CCDC32: variants seen among roughly 807,000 people sequenced by gnomAD.
CCDC32 encodes the protein coiled-coil domain containing 32.
Under a neutral mutation model 20.1 loss-of-function variants are expected in CCDC32, and 9 were observed. That is an observed-to-expected ratio of 0.45 (90% CI 0.27 to 0.78). CCDC32 has a LOEUF of 0.78. CCDC32 is among the 30% of genes least tolerant of loss of function. The pLI is 0.16. For missense variants in CCDC32, 204 were observed against 215.5 expected, an observed-to-expected ratio of 0.95 and a Z score of 0.33; for synonymous variants, 63 against 79.0, an observed-to-expected ratio of 0.80 and a Z score of 1.07.
intron 3 of CCDC32, among the ~76,000 whole-genome samples, chr15:40,544,320 C>G (rs1051306542): frequency 2.0e-5 from 3 of 152,234 alleles, no homozygotes; most frequent in African/African-American, 7.2e-5. Flanking sequence ...CTCAAGCAAT[C>G]CTCCCACCTC....
intron 1 of CCDC32, among the ~76,000 whole-genome samples, chr15:40,564,362 G>A (rs1566987424): frequency 6.6e-6 from 1 of 152,114 alleles, no homozygotes; most frequent in Non-Finnish European, 1.5e-5. Context: ...TTGCTCTAGG[G>A]CACATTACTG....
At chr15:40,521,586 C>T in the CCDC32 span, among the ~76,000 whole-genome samples, 1 of 152,104 alleles carries the variant, frequency 6.6e-6, no homozygotes, top group Non-Finnish European at 1.5e-5. Flanking sequence ...GTGGATGCAC[C>T]ACTGTACGTT....
At chr15:40,537,081 A>C (rs1225222658), downstream of CCDC32, 2 of 152,390 alleles carry the variant, frequency 1.3e-5, no homozygotes, top group Admixed American at 1.3e-4. Flanking sequence ...GAAGGGAAGG[A>C]TTCTGGAGAA....
At chr15:40,521,897 C>T in the CCDC32 span, among the ~76,000 whole-genome samples, 2 of 152,146 alleles carry the variant, frequency 1.3e-5, no homozygotes, top group Non-Finnish European at 2.9e-5. Flanking sequence ...TATTTTATGC[C>T]ATTCTGTGAA....
downstream of CCDC32, among the ~76,000 whole-genome samples, chr15:40,526,035 C>T (rs780014394): frequency 2.0e-5 from 3 of 151,532 alleles, no homozygotes; most frequent in African/African-American, 7.3e-5. Context: ...AGAGTGCAGA[C>T]GAAAGACCTC....
chr15:40,561,131 C>T (rs936300376), intron 2 of CCDC32, among the ~76,000 whole-genome samples: 21 of 152,130 alleles, frequency 1.4e-4, no homozygotes, highest in Admixed American at 1.2e-3. Context: ...AAATGCCATA[C>T]GTTCTCACTT....
chr15:40,548,063 T>C (rs1247650278), intron 3 of CCDC32, among the ~76,000 whole-genome samples: 1 of 152,212 alleles, frequency 6.6e-6, no homozygotes, highest in Non-Finnish European at 1.5e-5. Context: ...TGGGTCACTA[T>C]CTCTCCTTCT....
At chr15:40,534,978 G>T (rs1889048273), downstream of CCDC32, 2 of 702,606 alleles carry the variant, frequency 2.8e-6, no homozygotes, top group African/African-American at 3.5e-5. Context: ...GTGTGGTCTT[G>T]GGTTTAGTGA....
downstream of CCDC32, among the ~76,000 whole-genome samples, chr15:40,525,108 G>A (rs182370571): frequency 1.3e-3 from 203 of 151,236 alleles, 2 homozygotes; most frequent in African/African-American, 4.8e-3. Context: ...TCAACTCACC[G>A]CAACCTCTGC....
At chr15:40,528,657 C>T (rs1287216246), downstream of CCDC32, 2 of 660,902 alleles carry the variant, frequency 3.0e-6, no homozygotes, top group South Asian at 1.7e-5. Flanking sequence ...AGGGATGTTA[C>T]CCTGGTGATG....
chr15:40,552,771 CAAAAAAAAAAAAAAA>C (rs10675441), downstream of CCDC32: 1 of 68,778 alleles, frequency 1.5e-5, no homozygotes, highest in Non-Finnish European at 2.8e-5. Context: ...AGTGCGACCT[CAAAAAAAAAAAAAAA>C]AAAAAAAAAA....
chr15:40,548,100 A>G (rs28673753), downstream of CCDC32, among the ~76,000 whole-genome samples: 3,699 of 152,232 alleles, frequency 0.024, 144 homozygotes, highest in African/African-American at 0.085. Flanking sequence ...ATTCATTTCT[A>G]TGAACTCAGC....
chr15:40,530,322 T>C (rs1287579698), downstream of CCDC32, among the ~76,000 whole-genome samples: 2 of 137,484 alleles, frequency 1.5e-5, no homozygotes, highest in African/African-American at 2.7e-5. Context: ...TGACCTCCAA[T>C]GTTGGAGGTG....
At chr15:40,533,672 A>C (rs1025990704), downstream of CCDC32, among the ~76,000 whole-genome samples, 7 of 152,208 alleles carry the variant, frequency 4.6e-5, no homozygotes, top group East Asian at 1.3e-3. Flanking sequence ...AAGAGTTTTC[A>C]GCACGTTTTT....
At chr15:40,549,338 C>G (rs144198123), downstream of CCDC32, among the ~76,000 whole-genome samples, 152 of 152,344 alleles carry the variant, frequency 1.0e-3, 1 homozygote, top group East Asian at 8.7e-3. Flanking sequence ...CTTCCATCCT[C>G]CAAGTTCCCT....
chr15:40,534,772 G>A (rs185383126), downstream of CCDC32: 9 of 649,728 alleles, frequency 1.4e-5, no homozygotes, highest in Admixed American at 1.5e-4. Context: ...CCACTCTCAT[G>A]ACCTAATTAC....
At chr15:40,560,878 A>G (rs1016227678) in intron 2 of CCDC32, among the ~76,000 whole-genome samples, 2 of 152,208 alleles carry the variant, frequency 1.3e-5, no homozygotes, top group Non-Finnish European at 2.9e-5. Flanking sequence ...GTGTTTACCC[A>G]AAGGAAAAGA....
intron 3 of CCDC32, among the ~76,000 whole-genome samples, chr15:40,542,385 G>A (rs1889432364): frequency 6.6e-6 from 1 of 152,130 alleles, no homozygotes; most frequent in African/African-American, 2.4e-5. Flanking sequence ...TTATTGTCTT[G>A]TCCTGTCTTC....
intron 3 of CCDC32, among the ~76,000 whole-genome samples, chr15:40,543,609 C>T (rs1220750983): frequency 3.3e-5 from 5 of 152,254 alleles, no homozygotes; most frequent in East Asian, 3.9e-4. Context: ...CGCACGCCAC[C>T]GTGCCCAGCT....
Sources: gnomAD v4.1 joint callset for allele counts (sites outside exome capture counted in the v4.1 genomes callset) on GRCh38, gnomAD v4.1.1 for gene constraint, MANE v1.5 for transcripts, NCBI Gene and HGNC (gene_info 2026-07-23, HGNC 2026-07-21) for gene names.